Variants in ZIC4 observed in about 807,000 individuals in gnomAD.
The protein encoded by ZIC4 is zinc finger protein ZIC 4.
ZIC4 carries 15 observed loss-of-function variants against 28.8 expected under a neutral mutation model. The observed-to-expected ratio is 0.52, with a 90% CI of 0.35 to 0.80. The LOEUF is 0.80. Among genes scored for constraint, ZIC4 ranks in the 30% least tolerant of loss-of-function variants. ZIC4 has a pLI of 0.01. For missense variants in ZIC4, 512 were observed against 467.1 expected, an observed-to-expected ratio of 1.10 and a Z score of -0.89; for synonymous variants, 220 against 198.1, an observed-to-expected ratio of 1.11 and a Z score of -0.93.
At chr3:147,400,147 C>T (rs572944489) in intron 2 of ZIC4, among the ~76,000 whole-genome samples, 71 of 152,286 alleles carry the variant, frequency 4.7e-4, no homozygotes, top group African/African-American at 1.7e-3. Flanking sequence ...TAGAAGAAAA[C>T]ACTAACTTTC....
In ZIC4 at chr3:147,387,601, G is replaced by A. The variant is rs2086818497; in HGVS notation, c.*1258C>T. 1 of 152,456 alleles carries A rather than the reference G, an allele frequency of 6.6e-6. No individual in the cohort carries two copies. The highest frequency in any genetic ancestry group is 1.5e-5 in the Non-Finnish European group (1 of 68,006). The allele number at this position is 152,456 out of a possible 1,614,324, so 9.4% of individuals were successfully genotyped here. On this transcript the variant is annotated 3_prime_UTR_variant, in exon 5 of 5. Coordinates refer to ENST00000383075, the MANE Select transcript of ZIC4 (RefSeq NM_032153.6). ...GGTACTTGGATAAAATAAACAACAA[G>A]ACAATTAAGGGAACATGGACTTCTA...
intron 2 of ZIC4, among the ~76,000 whole-genome samples, chr3:147,398,994 C>T (rs1339273331): frequency 1.3e-5 from 2 of 151,974 alleles, no homozygotes; most frequent in East Asian, 3.9e-4. Context: ...GATTAACTTC[C>T]ACAACAATTT....
Position 147,388,527 on chromosome 3 carries a change from A to C in ZIC4, c.*332T>G, listed in dbSNP as rs1433887951. 8.1e-6 allele frequency: 3 copies of C among 371,742 alleles called. No individual in the cohort carries two copies. The highest frequency in any genetic ancestry group is 4.2e-5 in the African/African-American group (2 of 47,972). The allele number at this position is 371,742 out of a possible 1,614,324, so 23.0% of individuals were successfully genotyped here. On this transcript the variant is annotated 3_prime_UTR_variant, in exon 5 of 5. Coordinates refer to ENST00000383075, the MANE Select transcript of ZIC4 (RefSeq NM_032153.6). Reference sequence around the variant, plus strand: ...ATCCATTTTTATTATGATCGGGTACAAGTGCCCATTCGCGTGGGTTTTGTT... The same window carrying C: ...ATCCATTTTTATTATGATCGGGTACCAGTGCCCATTCGCGTGGGTTTTGTT...
Position 147,396,504 on chromosome 3 carries a change from G to C in ZIC4, c.71-35C>G, listed in dbSNP as rs746607903. 7.4e-6 allele frequency: 11 copies of C among 1,496,376 alleles called. No individual in the cohort carries two copies. Among genetic ancestry groups the C allele is most frequent in the Non-Finnish European group, 8.0e-6 (9 of 1,130,290 alleles). 92.7% of individuals were successfully genotyped at this position (1,496,376 alleles called of 1,614,324 possible). A position where few individuals can be genotyped will look rare whatever the true frequency, so the allele number is the denominator to read the frequency against. The stretch of plus-strand genomic sequence containing the variant: ...AAACAAATAGCGCGCATGAGAACGG[G>C]TGGCGTGGGCTGCGCGCTCTTCCCT... On this transcript the variant is annotated intron_variant, in intron 2 of 4. Coordinates refer to ENST00000383075, the MANE Select transcript of ZIC4 (RefSeq NM_032153.6). This position sits in a 1 kb window ranked among gnomAD's most constrained non-coding sequence, Gnocchi z 4.2.
chr3:147,393,513 C>A (rs2086971748), intron 3 of ZIC4: 1 of 200,676 alleles, frequency 5.0e-6, no homozygotes, highest in South Asian at 7.5e-5. Flanking sequence ...GTCCTAGGCC[C>A]GGGGCTGCGC....
rs936201252 is a variant in ZIC4, at chr3:147,400,167, G to A, written c.70+2561C>T. ...GAAAACACTAACTTTCCAATAGAAGGTTGTGAAAATAAAGAGGCATTTTTT... is the reference window on the plus strand; with the variant it reads ...GAAAACACTAACTTTCCAATAGAAGATTGTGAAAATAAAGAGGCATTTTTT... On this transcript the variant is annotated intron_variant, in intron 2 of 4. Transcript: ENST00000383075. Among the ~76,000 whole-genome samples, 10 of 152,182 alleles carry A rather than the reference G, an allele frequency of 6.6e-5. No individual in the cohort carries two copies. The East Asian group carries it at 1.7e-3, about 26-fold the overall frequency.
In ZIC4 at chr3:147,396,399, G is replaced by C. The variant is rs1322264796; in HGVS notation, c.141C>G (p.His47Gln). Residue 47 changes from histidine to glutamine, a missense_variant, in exon 3 of 5, where the codon CAC becomes CAG. Physicochemically the swap from His to Gln is conservative, Grantham distance 24. Coordinates refer to ENST00000383075, the MANE Select transcript of ZIC4 (RefSeq NM_032153.6). The surrounding 1 kb of genome is among the most constrained non-coding windows in gnomAD (Gnocchi z 4.2). ...TGGGGGAGGCCTGGGGAGGCTCCTC[G>C]TGGAGGCCCGGGAACACCGAGGGGC... is the stretch of plus-strand genomic sequence containing the variant. ...ASSPSVFPGL[H>Q]EEPPQASPSR... The C allele has an allele frequency of 1.3e-6, 2 of 1,527,160 alleles. No homozygotes were observed. The highest frequency in any genetic ancestry group is 1.3e-5 in the South Asian group (1 of 75,720). The allele number at this position is 1,527,160 out of a possible 1,614,324, so 94.6% of individuals were successfully genotyped here.
At chr3:147,405,070 C>G (rs1446673716) in intron 1 of ZIC4, among the ~76,000 whole-genome samples, 1 of 152,250 alleles carries the variant, frequency 6.6e-6, no homozygotes, top group Admixed American at 6.5e-5. Flanking sequence ...TCTGGCTCCC[C>G]TCCATTCGAC....
At chr3:147,399,066 T>A (rs1384930935) in intron 2 of ZIC4, among the ~76,000 whole-genome samples, 1 of 151,660 alleles carries the variant, frequency 6.6e-6, no homozygotes, top group Non-Finnish European at 1.5e-5. Flanking sequence ...TGGATAACTC[T>A]ACCAATAGAT....
intron 4 of ZIC4, 95 bp downstream of exon 4, chr3:147,390,836 A>AGGC (rs2086897107): frequency 4.9e-6 from 7 of 1,421,742 alleles, no homozygotes; most frequent in South Asian, 2.8e-5. Context: ...CTAATACCGG[A>AGGC]GGCGGCGGCG....
intron 1 of ZIC4, among the ~76,000 whole-genome samples, chr3:147,403,341 G>A (rs1025927039): frequency 2.0e-5 from 3 of 152,090 alleles, no homozygotes; most frequent in Admixed American, 6.5e-5. Context: ...GAATTCCTTA[G>A]CCTCACATTT....
rs1013230208 is a variant in ZIC4, at chr3:147,388,297, T to A, written c.*562A>T. 1 of 153,248 alleles carries A rather than the reference T, an allele frequency of 6.5e-6. No individual in the cohort carries two copies. The highest frequency in any genetic ancestry group is 1.5e-5 in the Non-Finnish European group (1 of 68,582). The allele number at this position is 153,248 out of a possible 1,614,324, so 9.5% of individuals were successfully genotyped here. Reference sequence around the variant, plus strand: ...GCGGCATGCTGATGCACCGTCAAACTCACACTTTCAACCCCAAAACCCGAC... The same window carrying A: ...GCGGCATGCTGATGCACCGTCAAACACACACTTTCAACCCCAAAACCCGAC... On this transcript the variant is annotated 3_prime_UTR_variant, in exon 5 of 5. Coordinates refer to ENST00000383075, the MANE Select transcript of ZIC4 (RefSeq NM_032153.6).
At chr3:147,402,338 C>T (rs994121196) in intron 2 of ZIC4, among the ~76,000 whole-genome samples, 1 of 152,070 alleles carries the variant, frequency 6.6e-6, no homozygotes, top group Non-Finnish European at 1.5e-5. Context: ...TTCATGGAAG[C>T]CAATACATGT....
chr3:147,396,463 C>G lies in ZIC4; in HGVS notation c.77G>C (p.Ser26Thr), dbSNP rs2087047072. The stretch of plus-strand genomic sequence containing the variant: ...GAGCTGGGGGCCATGGTGTCCAGAG[C>G]TGCTACCTGTTGTCGAAACAAATAG... ...YRNTLKESSS[S>T]SGHHGPQLTA... Residue 26 changes from serine to threonine, a missense_variant, in exon 3 of 5, where the codon AGC becomes ACC. Around this residue, in one of 3 missense-constraint regions of ZIC4, gnomAD observed 310 missense variants for 256.5 expected, o/e 1.21. Coordinates refer to ENST00000383075, the MANE Select transcript of ZIC4 (RefSeq NM_032153.6). This position sits in a 1 kb window ranked among gnomAD's most constrained non-coding sequence, Gnocchi z 4.2. 6.6e-7 allele frequency: 1 copy of G among 1,511,996 alleles called. No homozygotes were observed. The highest frequency in any genetic ancestry group is 2.3e-5 in the East Asian group (1 of 43,864). 93.7% of individuals were successfully genotyped at this position (1,511,996 alleles called of 1,614,324 possible).
rs367565470 is a variant in ZIC4 at position 147,391,293 on chromosome 3, C to A, written c.689-47G>T. On this transcript the variant is annotated intron_variant, in intron 3 of 4. Transcript: ENST00000383075. ...CATTAGTGCTTGTGGGTCGTGTTCCCGTCAGGTGCTTGCCACCCTCCCCCA... is the reference window on the plus strand; with the variant it reads ...CATTAGTGCTTGTGGGTCGTGTTCCAGTCAGGTGCTTGCCACCCTCCCCCA... 5 of 1,509,332 alleles carry A rather than the reference C, an allele frequency of 3.3e-6. No homozygotes were observed. In the African/African-American group the frequency reaches 7.0e-5, roughly 21 times the overall value. The allele number at this position is 1,509,332 out of a possible 1,614,324, so 93.5% of individuals were successfully genotyped here.
chr3:147,406,049 C>A (rs777557442), intron 1 of ZIC4: 12 of 161,450 alleles, frequency 7.4e-5, no homozygotes, highest in Non-Finnish European at 1.5e-4. Context: ...AGGCAACAAA[C>A]TGCTCCTGGT....
chr3:147,405,347 C>T lies in ZIC4; in HGVS notation c.-16+1016G>A, dbSNP rs890678735. 96 of 1,525,808 alleles carry T rather than the reference C, an allele frequency of 6.3e-5. 1 individual carries two copies. The African/African-American group carries it at 1.2e-3, about 19-fold the overall frequency. The allele number at this position is 1,525,808 out of a possible 1,614,324, so 94.5% of individuals were successfully genotyped here. A position where few individuals can be genotyped will look rare whatever the true frequency, so the allele number is the denominator to read the frequency against. ...GGTGTGGGTCGCTGCGAGGACAATA[C>T]TGTCGGAAAGCGGGGAAAACATGAC... is the stretch of plus-strand genomic sequence containing the variant. On this transcript the variant is annotated intron_variant, in intron 1 of 4. Transcript: ENST00000383075.
At chr3:147,398,139 C>T (rs992148626) in intron 2 of ZIC4, among the ~76,000 whole-genome samples, 5 of 152,196 alleles carry the variant, frequency 3.3e-5, no homozygotes, top group African/African-American at 1.2e-4. Context: ...ACAAAGGAGT[C>T]GGGCGTGGAT....
chr3:147,405,513 T>C (rs1301233569), intron 1 of ZIC4: 1 of 1,528,962 alleles, frequency 6.5e-7, no homozygotes, highest in Admixed American at 2.0e-5. Context: ...CAGTCCTAGC[T>C]TTCTTTCACA....
Sources: gnomAD v4.1 joint callset for allele counts (sites outside exome capture counted in the v4.1 genomes callset) on GRCh38, gnomAD v4.1.1 for gene constraint, gnomAD v4.1.1 regional missense constraint, Gnocchi (gnomAD v3.1) non-coding constraint, MANE v1.5 for transcripts, NCBI Gene and HGNC (gene_info 2026-07-23, HGNC 2026-07-21) for gene names.